Variants in ACKR2 observed in about 807,000 individuals in gnomAD.
ACKR2 encodes the protein C-C chemokine receptor D6.
For missense variants in ACKR2, 457 were observed against 477.3 expected (o/e 0.96, Z 0.40); for synonymous variants, 207 against 192.2 (o/e 1.08, Z -0.64).
At chr3:42,860,894 A>G (rs978521680) in intron 2 of ACKR2, among the ~76,000 whole-genome samples, 1 of 152,168 alleles carries the variant, frequency 6.6e-6, no homozygotes, top group African/African-American at 2.4e-5. Context: ...GCACTAAATG[A>G]CCACAGGAGA....
At chr3:42,827,795 C>T (rs1440498214) in intron 2 of ACKR2, among the ~76,000 whole-genome samples, 4 of 152,130 alleles carry the variant, frequency 2.6e-5, no homozygotes, top group East Asian at 1.9e-4. Flanking sequence ...TGGAACAGCC[C>T]TCAGGGTTTC....
At chr3:42,811,876 G>A (rs576874173) in intron 1 of ACKR2, among the ~76,000 whole-genome samples, 35 of 152,302 alleles carry the variant, frequency 2.3e-4, no homozygotes, top group Non-Finnish European at 3.7e-4. Flanking sequence ...GCACATCCGG[G>A]CACAGTACCT....
intron 2 of ACKR2, among the ~76,000 whole-genome samples, chr3:42,845,876 A>G (rs549032203): frequency 7.4e-4 from 113 of 151,968 alleles, no homozygotes; most frequent in African/African-American, 2.4e-3. Context: ...GAAAAAAGAA[A>G]AAAAGAAAAC....
chr3:42,842,943 C>A (rs1322596231), intron 2 of ACKR2, among the ~76,000 whole-genome samples: 1 of 147,262 alleles, frequency 6.8e-6, no homozygotes, highest in African/African-American at 2.5e-5. Flanking sequence ...CAAGATTGCA[C>A]CATTGCCCTC....
intron 2 of ACKR2, among the ~76,000 whole-genome samples, chr3:42,850,423 C>A (rs1488506798): frequency 6.6e-6 from 1 of 152,154 alleles, no homozygotes; most frequent in Non-Finnish European, 1.5e-5. Flanking sequence ...GGTCACACAG[C>A]CAGTAAATGC....
At chr3:42,860,168 A>C (rs2088367916) in intron 2 of ACKR2, among the ~76,000 whole-genome samples, 1 of 128,392 alleles carries the variant, frequency 7.8e-6, no homozygotes, top group Admixed American at 8.0e-5. Flanking sequence ...GGAAAGCAAA[A>C]AAAAAAAAAA....
intron 2 of ACKR2, among the ~76,000 whole-genome samples, chr3:42,863,833 G>A (rs2125626125): frequency 6.6e-6 from 1 of 152,264 alleles, no homozygotes; most frequent in South Asian, 2.1e-4. Flanking sequence ...CACAGGGAGG[G>A]GAACATCACA....
intron 2 of ACKR2, among the ~76,000 whole-genome samples, chr3:42,863,920 G>A (rs2088407171): frequency 6.6e-6 from 1 of 151,928 alleles, no homozygotes; most frequent in African/African-American, 2.4e-5. Context: ...ATGACAGATT[G>A]ATGGGTGCAG....
chr3:42,827,858 A>G (rs1392211448), intron 2 of ACKR2, among the ~76,000 whole-genome samples: 2 of 151,938 alleles, frequency 1.3e-5, no homozygotes, highest in African/African-American at 2.4e-5. Context: ...CCACAGGGAG[A>G]CGCCCCCACA....
chr3:42,815,527 T>G (rs1280395499), intron 1 of ACKR2, among the ~76,000 whole-genome samples: 2 of 152,244 alleles, frequency 1.3e-5, no homozygotes, highest in African/African-American at 2.4e-5. Flanking sequence ...CTGTTCATTT[T>G]AGACAAAAAT....
At chr3:42,861,173 A>T (rs1264984858) in intron 2 of ACKR2, among the ~76,000 whole-genome samples, 10 of 152,212 alleles carry the variant, frequency 6.6e-5, no homozygotes, top group African/African-American at 2.4e-4. Context: ...AAAAATGATA[A>T]AGAGGATATC....
chr3:42,833,559 C>T (rs1700953945), intron 2 of ACKR2, among the ~76,000 whole-genome samples: 1 of 152,052 alleles, frequency 6.6e-6, no homozygotes, highest in African/African-American at 2.4e-5. Context: ...CTGACATGTG[C>T]TTTATGCTTG....
chr3:42,839,765 T>C (rs2125612902), intron 2 of ACKR2, among the ~76,000 whole-genome samples: 1 of 152,276 alleles, frequency 6.6e-6, no homozygotes, highest in African/African-American at 2.4e-5. Context: ...GATGATCGGA[T>C]GCTCCAGCTC....
chr3:42,834,659 C>A (rs1420645675), intron 2 of ACKR2: 1 of 151,638 alleles, frequency 6.6e-6, no homozygotes, highest in Non-Finnish European at 1.5e-5. Flanking sequence ...CTCACTGCAA[C>A]CTCCACCTCT....
Position 42,851,453 on chromosome 3 carries a change from C to T in ACKR2, c.-37-13013C>T, listed in dbSNP as rs558081116. ...ATTCTCAAGCAAGTCATTCTGGCTC[C>T]GGTAGGTTATAGCCATACTCGGGGT... On this transcript the variant is annotated intron_variant, in intron 2 of 2. Coordinates refer to ENST00000422265, the MANE Select transcript of ACKR2 (RefSeq NM_001296.5). 5.2e-5 allele frequency: 51 copies of T among 985,158 alleles called. 1 individual carries two copies. The South Asian group carries it at 1.7e-3, about 34-fold the overall frequency. The allele number at this position is 985,158 out of a possible 1,614,324, so 61.0% of individuals were successfully genotyped here.
chr3:42,810,436 C>A (rs1455298946), intron 1 of ACKR2, among the ~76,000 whole-genome samples: 2 of 151,006 alleles, frequency 1.3e-5, no homozygotes, highest in African/African-American at 4.9e-5. Flanking sequence ...CCTTTTTCGC[C>A]TTTTTTCCTC....
chr3:42,834,274 A>T (rs1270114401), intron 2 of ACKR2, among the ~76,000 whole-genome samples: 3 of 152,122 alleles, frequency 2.0e-5, no homozygotes, highest in Non-Finnish European at 4.4e-5. Context: ...TCATTATTAT[A>T]CCGCTATGGT....
Sources: gnomAD v4.1 joint callset for allele counts (sites outside exome capture counted in the v4.1 genomes callset) on GRCh38, gnomAD v4.1.1 for gene constraint, MANE v1.5 for transcripts, NCBI Gene and HGNC (gene_info 2026-07-23, HGNC 2026-07-21) for gene names.